TDP1: variants seen among roughly 807,000 people sequenced by gnomAD.
TDP1 encodes tyrosyl-DNA phosphodiesterase 1.
A neutral mutation model predicts 81.5 loss-of-function variants in TDP1; 64 were observed. That is an observed-to-expected ratio of 0.79 (90% confidence interval 0.64 to 0.97). The LOEUF (loss-of-function observed/expected upper bound fraction) is 0.97, where lower values mean the gene tolerates loss of function less well. Among genes scored for constraint, TDP1 ranks in the 50% least tolerant of loss-of-function variants. TDP1 has a pLI of 0.00. For synonymous variants in TDP1, 256 were observed against 264.3 expected (o/e 0.97, Z 0.30); for missense variants, 723 against 743.8 (o/e 0.97, Z 0.33).
rs113655303 is a variant in TDP1, at chr14:90,012,927, C to G, written c.1542-6389C>G. Among the ~76,000 whole-genome samples, 587 of 152,332 alleles carry G rather than the reference C, an allele frequency of 3.9e-3. 2 individuals carry two copies. The highest frequency in any genetic ancestry group is 0.014 in the African/African-American group (567 of 41,584). ...GGATCAGCGTGACCTGGATGTGAGA[C>G]ATGGAGTCAAAGGAGATCATTTCGG... On this transcript the variant is annotated intron_variant, in intron 14 of 16. Coordinates refer to ENST00000335725, the MANE Select transcript of TDP1 (RefSeq NM_018319.4).
At chr14:90,037,244 T>C (rs1887909863) in intron 16 of TDP1, among the ~76,000 whole-genome samples, 1 of 152,236 alleles carries the variant, frequency 6.6e-6, no homozygotes, top group Non-Finnish European at 1.5e-5. Flanking sequence ...TCTTAACCTT[T>C]CTTCCAAGGG....
chr14:90,033,374 C>T lies in TDP1; in HGVS notation c.1753+160C>T, dbSNP rs1274834535. ...TGCCAGCCTGTCTGGGGCCTTGTAGCCACTGGTTAGTCTTGGAATCCCTTT... is the reference window on the plus strand; with the variant it reads ...TGCCAGCCTGTCTGGGGCCTTGTAGTCACTGGTTAGTCTTGGAATCCCTTT... On this transcript the variant is annotated intron_variant, in intron 16 of 16. Coordinates refer to ENST00000335725, the MANE Select transcript of TDP1 (RefSeq NM_018319.4). The T allele has an allele frequency of 8.6e-6, 6 of 694,908 alleles. No homozygotes were observed. The African/African-American group carries it at 8.8e-5, about 10-fold the overall frequency. The allele number at this position is 694,908 out of a possible 1,614,324, so 43.0% of individuals were successfully genotyped here. A position where few individuals can be genotyped will look rare whatever the true frequency, so the allele number is the denominator to read the frequency against.
At chr14:90,011,863 G>T (rs1336203481) in intron 14 of TDP1, among the ~76,000 whole-genome samples, 1 of 152,240 alleles carries the variant, frequency 6.6e-6, no homozygotes, top group Non-Finnish European at 1.5e-5. Flanking sequence ...CAATAGAAAA[G>T]AAAAACCCAT....
At chr14:89,965,625 A>C in intron 3 of TDP1, 1 of 237,696 alleles carries the variant, frequency 4.2e-6, no homozygotes, top group Non-Finnish European at 6.8e-6. Flanking sequence ...AGACTTCCCT[A>C]GAGATGACCA....
intron 2 of TDP1, 48 bp from the exon 3 acceptor site, chr14:89,963,060 A>C: frequency 3.1e-6 from 5 of 1,613,880 alleles, no homozygotes; most frequent in Non-Finnish European, 4.2e-6. Flanking sequence ...TATTTTGCCA[A>C]TGCCCTGATG....
Position 89,989,044 on chromosome 14 carries a change from G to T in TDP1, c.1271G>T (p.Gly424Val), listed in dbSNP as rs2140117518. 3 of 1,614,068 alleles carry T rather than the reference G, an allele frequency of 1.9e-6. No homozygotes were observed. In the South Asian group the frequency reaches 3.3e-5, roughly 18 times the overall value. The stretch of plus-strand genomic sequence containing the variant: ...TTTAAAGAGAGCATGCTGACACTGG[G>T]GAAGGAAAGCAAGACTCCAGGAAAA... ...SEFKESMLTL[G>V]KESKTPGKSS... The change falls in exon 11 of 17, where the codon GGG becomes GTG. Residue 424 changes from glycine (G) to valine (V), a missense_variant. By Grantham distance (109) the Gly-to-Val change is moderately radical. Coordinates refer to ENST00000335725, the MANE Select transcript of TDP1 (RefSeq NM_018319.4).
Position 89,988,581 on chromosome 14 carries a change from T to C in TDP1, c.1132-324T>C, listed in dbSNP as rs1482550220. 5.1e-6 allele frequency: 5 copies of C among 980,352 alleles called. No homozygotes were observed. In the African/African-American group the frequency reaches 7.0e-5, roughly 14 times the overall value. The allele number at this position is 980,352 out of a possible 1,614,324, so 60.7% of individuals were successfully genotyped here. A position where few individuals can be genotyped will look rare whatever the true frequency, so the allele number is the denominator to read the frequency against. ...CTTGTGATTTCAAGTAAAAAAAATCTAATTTCATATGACAAGTTGGTGGTT... is the reference window on the plus strand; with the variant it reads ...CTTGTGATTTCAAGTAAAAAAAATCCAATTTCATATGACAAGTTGGTGGTT... On this transcript the variant is annotated intron_variant, in intron 10 of 16. Transcript: ENST00000335725.
intron 15 of TDP1, chr14:90,023,008 T>C (rs780532314): frequency 1.3e-6 from 1 of 759,772 alleles, no homozygotes; most frequent in South Asian, 1.4e-5. Context: ...GTCCCACACA[T>C]ACCCTGTGCC....
rs530415501 is a variant in TDP1, at chr14:89,979,331, A to G, written c.792-1209A>G. 1.1e-4 allele frequency among the ~76,000 whole-genome samples: 16 copies of G among 150,054 alleles called. No individual in the cohort carries two copies. The South Asian group carries it at 3.4e-3, about 32-fold the overall frequency. On this transcript the variant is annotated intron_variant, in intron 7 of 16. Transcript: ENST00000335725. ...TTAACAATTTTTTTTTTTTTTTGAG[A>G]CAGAGTTTCACTCTGTCACCCAGGC...
At chr14:89,968,254 T>C (rs1290953312) in intron 5 of TDP1, among the ~76,000 whole-genome samples, 3 of 152,104 alleles carry the variant, frequency 2.0e-5, no homozygotes, top group African/African-American at 7.2e-5. Flanking sequence ...TAAGACAAAT[T>C]GTTTCCAGCG....
chr14:90,019,295 T>C, intron 14 of TDP1, 21 bp from the exon 15 acceptor site: 1 of 1,531,806 alleles, frequency 6.5e-7, no homozygotes. Flanking sequence ...GTCAGCCCTA[T>C]CTGTGTCCTT....
intron 15 of TDP1, among the ~76,000 whole-genome samples, chr14:90,022,129 G>C (rs959033648): frequency 5.9e-5 from 9 of 152,216 alleles, no homozygotes; most frequent in African/African-American, 1.4e-4. Context: ...CATAGAGTCA[G>C]ATGGCCACCT....
chr14:89,982,709 C>T (rs900299397), intron 8 of TDP1, among the ~76,000 whole-genome samples: 2 of 152,092 alleles, frequency 1.3e-5, no homozygotes, highest in African/African-American at 4.8e-5. Context: ...TAGGTAGGAA[C>T]GGTTCAAAAC....
chr14:90,042,852 C>T (rs1039912942), intron 16 of TDP1: 1 of 984,834 alleles, frequency 1.0e-6, no homozygotes, highest in African/African-American at 1.7e-5. Flanking sequence ...GGGGACACAG[C>T]CAAACCTTTT....
rs550276914 is a variant in TDP1 at position 89,991,799 on chromosome 14, G to A, written c.1367-118G>A. On this transcript the variant is annotated intron_variant, in intron 12 of 16. Coordinates refer to ENST00000335725, the MANE Select transcript of TDP1 (RefSeq NM_018319.4). The stretch of plus-strand genomic sequence containing the variant: ...TCAAATAACTATTCTATAAGATGAA[G>A]TAATAGAAGTAGTTTTTTTCCTGTT... The A allele has an allele frequency of 7.3e-5, 88 of 1,210,886 alleles. No individual in the cohort carries two copies. In the African/African-American group the frequency reaches 1.3e-3, roughly 18 times the overall value. 75.0% of individuals were successfully genotyped at this position (1,210,886 alleles called of 1,614,324 possible). A position where few individuals can be genotyped will look rare whatever the true frequency, so the allele number is the denominator to read the frequency against.
intron 14 of TDP1, among the ~76,000 whole-genome samples, chr14:89,999,284 G>A (rs964437906): frequency 2.0e-5 from 3 of 152,080 alleles, no homozygotes; most frequent in South Asian, 2.1e-4. Flanking sequence ...GAATAAATTC[G>A]TTATGAACAA....
At chr14:90,013,716 TC>T (rs1884989028) in intron 14 of TDP1, among the ~76,000 whole-genome samples, 2 of 152,190 alleles carry the variant, frequency 1.3e-5, no homozygotes, top group South Asian at 4.1e-4. Context: ...CTCCCATAAT[TC>T]CCACATGTTG....
chr14:89,992,290 T>C (rs929680417), intron 13 of TDP1, among the ~76,000 whole-genome samples: 6 of 152,228 alleles, frequency 3.9e-5, no homozygotes, highest in Non-Finnish European at 7.3e-5. Context: ...TAGTTCATTT[T>C]TCCAAAATAT....
chr14:90,022,524 C>A (rs1886203849), intron 15 of TDP1, among the ~76,000 whole-genome samples: 1 of 152,178 alleles, frequency 6.6e-6, no homozygotes, highest in South Asian at 2.1e-4. Context: ...AGCTCCATTC[C>A]CGGAGAAAGA....
Sources: allele counts gnomAD v4.1 joint callset (sites outside exome capture counted in the v4.1 genomes callset), GRCh38; gene constraint gnomAD v4.1.1; transcripts MANE v1.5; gene names NCBI Gene and HGNC (gene_info 2026-07-23, HGNC 2026-07-21).